Variants in KL observed in about 807,000 individuals in gnomAD.
KL encodes the protein klotho.
Under a neutral mutation model 84.2 loss-of-function variants are expected in KL, and 62 were observed. The ratio of observed to expected loss-of-function variants is 0.74; its 90% CI spans 0.60 to 0.91. The LOEUF is 0.91. KL is among the 40% of genes least tolerant of loss of function. The pLI is 0.00. For missense variants in KL, 1,261 were observed against 1,305.7 expected, an observed-to-expected ratio of 0.97 and a Z score of 0.53; for synonymous variants, 528 against 528.0, an observed-to-expected ratio of 1.00 and a Z score of 0.00.
intron 1 of KL, among the ~76,000 whole-genome samples, chr13:33,045,977 C>T (rs1162898222): frequency 1.3e-5 from 2 of 152,124 alleles, no homozygotes; most frequent in Non-Finnish European, 2.9e-5. Context: ...CCCATCTTTG[C>T]ATTCCTGGAA....
intron 1 of KL, among the ~76,000 whole-genome samples, chr13:33,036,409 ACCACAC>A (rs1166821780): frequency 1.4e-5 from 2 of 147,112 alleles, no homozygotes; most frequent in African/African-American, 5.1e-5. Context: ...CCACACACAC[ACCACAC>A]CACACACACA....
In KL at chr13:33,031,952, AT is replaced by A. The variant is rs1273306237; in HGVS notation, c.819+14695del. Among the ~76,000 whole-genome samples the A allele has an allele frequency of 2.0e-5, 3 of 152,204 alleles. No individual in the cohort carries two copies. In the East Asian group the frequency reaches 5.8e-4, roughly 29 times the overall value. ...TTTGTATTTTGGGGCAGGTAAATTC[AT>A]TGAGAGACCCAGAGAGTTTAGCTGA... On this transcript the variant is annotated intron_variant, in intron 1 of 4. Coordinates refer to ENST00000380099, the MANE Select transcript of KL (RefSeq NM_004795.4).
At chr13:33,040,553 A>G (rs1871301375) in intron 1 of KL, among the ~76,000 whole-genome samples, 1 of 152,186 alleles carries the variant, frequency 6.6e-6, no homozygotes, top group African/African-American at 2.4e-5. Flanking sequence ...TTTTCTGCTT[A>G]TGGGCTGCAT....
At chr13:33,019,732 T>TGTGTGTGTGTGA (rs139721497) in intron 1 of KL, among the ~76,000 whole-genome samples, 2 of 133,368 alleles carry the variant, frequency 1.5e-5, no homozygotes, top group Non-Finnish European at 3.1e-5. Context: ...TGTGTGTGTG[T>TGTGTGTGTGTGA]GAGAGAGAGA....
chr13:33,038,561 G>A (rs2138210726), intron 1 of KL, among the ~76,000 whole-genome samples: 1 of 152,292 alleles, frequency 6.6e-6, no homozygotes, highest in Non-Finnish European at 1.5e-5. Flanking sequence ...AAACATTTTG[G>A]TGGAGAATAA....
intron 1 of KL, among the ~76,000 whole-genome samples, chr13:33,018,896 T>C (rs1232112634): frequency 2.6e-5 from 4 of 152,256 alleles, no homozygotes; most frequent in Non-Finnish European, 5.9e-5. Context: ...GATCATTTTA[T>C]TATAAGATAA....
At chr13:33,039,079 A>G (rs760941089) in intron 1 of KL, among the ~76,000 whole-genome samples, 1 of 152,206 alleles carries the variant, frequency 6.6e-6, no homozygotes, top group Non-Finnish European at 1.5e-5. Context: ...TTTATTTTAC[A>G]TCTGTACATA....
chr13:33,055,030 C>T lies in KL; in HGVS notation c.1331-17C>T. 1.2e-5 allele frequency: 19 copies of T among 1,614,078 alleles called. No individual in the cohort carries two copies. Among genetic ancestry groups the T allele is most frequent in the Non-Finnish European group, 1.6e-5 (19 of 1,179,976 alleles). On this transcript the variant is annotated splice_polypyrimidine_tract_variant and intron_variant, in intron 2 of 4. Coordinates refer to ENST00000380099, the MANE Select transcript of KL (RefSeq NM_004795.4). ...AGCGAAGGGTCATGTTGCTCTTGTC[C>T]CCTCTTCCCTTTGCAGCCATCAAGC...
intron 1 of KL, among the ~76,000 whole-genome samples, chr13:33,046,980 G>C (rs1871555308): frequency 6.6e-6 from 1 of 151,838 alleles, no homozygotes. Context: ...TTGATTTCTA[G>C]TTTCATTTCA....
chr13:33,044,113 T>C (rs1423870885), intron 1 of KL, among the ~76,000 whole-genome samples: 1 of 152,222 alleles, frequency 6.6e-6, no homozygotes, highest in Non-Finnish European at 1.5e-5. Flanking sequence ...CATAATTGCT[T>C]TGATGCATTC....
intron 1 of KL, among the ~76,000 whole-genome samples, chr13:33,023,812 G>C (rs1011934816): frequency 3.9e-5 from 6 of 152,120 alleles, no homozygotes; most frequent in Non-Finnish European, 5.9e-5. Flanking sequence ...TAAATATAAT[G>C]GTTAAGCAAA....
Position 33,016,703 on chromosome 13 carries a change from C to T in KL, c.263C>T (p.Ser88Phe). 3 of 1,609,386 alleles carry T rather than the reference C, an allele frequency of 1.9e-6. No homozygotes were observed. Among genetic ancestry groups the T allele is most frequent in the East Asian group, 2.2e-5 (1 of 44,664 alleles). The change falls in exon 1 of 5, where the codon TCC (serine) becomes TTC (phenylalanine). Residue 88 changes from serine to phenylalanine, a missense_variant. Physicochemically the swap from Ser to Phe is radical, Grantham distance 155. Transcript: ENST00000380099. ...TGGCAGCAGCACGGCAAGGGTGCGT[C>T]CATCTGGGATACGTTCACCCACCAC... ...GGWQQHGKGA[S>F]IWDTFTHHPL...
At chr13:33,059,452 C>T (rs1204338825) in intron 3 of KL, among the ~76,000 whole-genome samples, 2 of 151,960 alleles carry the variant, frequency 1.3e-5, no homozygotes, top group Non-Finnish European at 2.9e-5. Context: ...CACATTCTCC[C>T]TCCTTAGACT....
chr13:33,051,100 TA>T (rs1239076425), intron 1 of KL, among the ~76,000 whole-genome samples: 3 of 152,226 alleles, frequency 2.0e-5, no homozygotes, highest in African/African-American at 7.2e-5. Context: ...AGAGAAGGGA[TA>T]CGCATTCATG....
rs576957681 is a variant in KL, at chr13:33,030,811, A to G, written c.819+13552A>G. 2.0e-5 allele frequency among the ~76,000 whole-genome samples: 3 copies of G among 152,374 alleles called. No individual in the cohort carries two copies. The South Asian group carries it at 6.2e-4, about 32-fold the overall frequency. Reference sequence around the variant, plus strand: ...ACAAACTGAAACAGGAACCATCAGAACATATAAAAAATTCTTGAACATCAG... The same window carrying G: ...ACAAACTGAAACAGGAACCATCAGAGCATATAAAAAATTCTTGAACATCAG... On this transcript the variant is annotated intron_variant, in intron 1 of 4. Transcript: ENST00000380099.
At chr13:33,020,090 C>T (rs1339959484) in intron 1 of KL, among the ~76,000 whole-genome samples, 2 of 152,086 alleles carry the variant, frequency 1.3e-5, no homozygotes, top group South Asian at 2.1e-4. Context: ...CTCCCCTCAC[C>T]GCCTGAGATT....
intron 3 of KL, 26 bp from the exon 4 acceptor site, chr13:33,060,653 G>A (rs1282436269): frequency 3.7e-6 from 6 of 1,614,034 alleles, no homozygotes; most frequent in East Asian, 2.2e-5. Flanking sequence ...CCCAGGTGAC[G>A]CTAATGTTTA....
At chr13:33,046,159 T>C (rs1566504931) in intron 1 of KL, among the ~76,000 whole-genome samples, 1 of 152,224 alleles carries the variant, frequency 6.6e-6, no homozygotes, top group African/African-American at 2.4e-5. Flanking sequence ...GCTGGCCACA[T>C]TGGCTAAGTT....
At chr13:33,036,870 T>C (rs1230205207) in intron 1 of KL, among the ~76,000 whole-genome samples, 1 of 152,210 alleles carries the variant, frequency 6.6e-6, no homozygotes, top group East Asian at 1.9e-4. Context: ...AAACCTATTA[T>C]TGATCTTATT....
Sources: gnomAD v4.1 joint callset for allele counts (sites outside exome capture counted in the v4.1 genomes callset) on GRCh38, gnomAD v4.1.1 for gene constraint, MANE v1.5 for transcripts, NCBI Gene and HGNC (gene_info 2026-07-23, HGNC 2026-07-21) for gene names.